The following STPG2 variants were observed in gnomAD, a reference collection of about 807,000 sequenced individuals.
The protein encoded by STPG2 is sperm tail PG-rich repeat containing 2, also known as sperm-tail PG-rich repeat-containing protein 2.
STPG2 carries 56 observed loss-of-function variants against 54.2 expected under a neutral mutation model. The ratio of observed to expected loss-of-function variants is 1.03; its 90% CI spans 0.83 to 1.29. The LOEUF is 1.29. Ranked by LOEUF, STPG2 falls within the 50% of genes most tolerant of loss-of-function variation. The pLI is 0.00. For missense variants in STPG2, 596 were observed against 544.9 expected (o/e 1.09, Z -0.93); for synonymous variants, 200 against 181.8 (o/e 1.10, Z -0.81).
At chr4:97,599,387 C>T (rs540826518) in intron 10 of STPG2, among the ~76,000 whole-genome samples, 1 of 152,310 alleles carries the variant, frequency 6.6e-6, no homozygotes, top group African/African-American at 2.4e-5. Context: ...TCAGCAATCC[C>T]ATTATTGGGT....
At chr4:97,924,337 T>C (rs763718964) in intron 8 of STPG2, among the ~76,000 whole-genome samples, 1 of 152,214 alleles carries the variant, frequency 6.6e-6, no homozygotes. Flanking sequence ...TTTAAACATA[T>C]GTGATGGAAA....
intron 4 of STPG2, among the ~76,000 whole-genome samples, chr4:97,540,688 T>C (rs1731675953): frequency 6.6e-6 from 1 of 152,094 alleles, no homozygotes; most frequent in Non-Finnish European, 1.5e-5. Flanking sequence ...TTTAGACCAA[T>C]ATCCTTGATG....
intron 5 of STPG2, among the ~76,000 whole-genome samples, chr4:98,005,578 C>A (rs1009517570): frequency 2.6e-5 from 4 of 152,142 alleles, no homozygotes; most frequent in Non-Finnish European, 5.9e-5. Context: ...ACTTAATTTG[C>A]TGAGACTTTT....
intron 5 of STPG2, among the ~76,000 whole-genome samples, chr4:98,093,675 C>T (rs1175994265): frequency 3.3e-5 from 5 of 152,180 alleles, no homozygotes; most frequent in South Asian, 2.1e-4. Flanking sequence ...CTTGAATCAT[C>T]GATGTCACTC....
chr4:97,622,055 A>G (rs1164790701), intron 10 of STPG2, among the ~76,000 whole-genome samples: 2 of 152,180 alleles, frequency 1.3e-5, no homozygotes, highest in African/African-American at 4.8e-5. Context: ...GAGGCAGAAA[A>G]CAGTTACAAT....
chr4:97,864,189 C>G (rs149660998), intron 8 of STPG2, among the ~76,000 whole-genome samples: 1 of 152,020 alleles, frequency 6.6e-6, no homozygotes, highest in Admixed American at 6.5e-5. Context: ...TATTGTATAT[C>G]TAGAAAACCC....
intron 4 of STPG2, among the ~76,000 whole-genome samples, chr4:97,506,535 T>C (rs1197744822): frequency 6.6e-6 from 1 of 151,856 alleles, no homozygotes; most frequent in Non-Finnish European, 1.5e-5. Flanking sequence ...ACTATCCAAG[T>C]TGAAAACACA....
At chr4:98,066,375 G>C (rs1737835696) in intron 5 of STPG2, among the ~76,000 whole-genome samples, 1 of 145,100 alleles carries the variant, frequency 6.9e-6, no homozygotes, top group Admixed American at 6.9e-5. Flanking sequence ...GATCACCCAA[G>C]GTCAGGAGTT....
chr4:97,852,232 C>T (rs1729183956), intron 8 of STPG2, among the ~76,000 whole-genome samples: 1 of 152,078 alleles, frequency 6.6e-6, no homozygotes, highest in African/African-American at 2.4e-5. Context: ...AGTAGGATTC[C>T]AATCAATTTA....
rs1469530268 is a variant in STPG2, at chr4:97,840,834, T to G, written c.1143A>C (p.Arg381Ser). The change falls in exon 9 of 11, where the codon AGA becomes AGC. Residue 381 changes from arginine (R) to serine (S), a missense_variant. Arg to Ser is a moderately radical substitution (Grantham distance 110). Coordinates refer to ENST00000295268, the MANE Select transcript of STPG2 (RefSeq NM_174952.3). ...YMPPRSLVAK[R>S]KHASFLSATP... The stretch of plus-strand genomic sequence containing the variant: ...TTGCACTAAGAAAAGAGGCATGTTT[T>G]CTTTTAGCCACTAAACTACGAGGTG... The G allele has an allele frequency of 6.2e-7, 1 of 1,612,304 alleles. No individual in the cohort carries two copies. The highest frequency in any genetic ancestry group is 8.5e-7 in the Non-Finnish European group (1 of 1,178,720).
chr4:97,486,396 T>C (rs889781782), intron 4 of STPG2, among the ~76,000 whole-genome samples: 8 of 151,514 alleles, frequency 5.3e-5, no homozygotes, highest in Non-Finnish European at 3.0e-5. Context: ...GATATACAAA[T>C]GACCAACAAA....
At chr4:98,127,520 T>A (rs1739864512) in intron 3 of STPG2, among the ~76,000 whole-genome samples, 1 of 152,222 alleles carries the variant, frequency 6.6e-6, no homozygotes, top group South Asian at 2.1e-4. Flanking sequence ...GCCTTTTCTT[T>A]GCCCAAGGTG....
At chr4:97,514,728 AT>A (rs985213004) in intron 4 of STPG2, among the ~76,000 whole-genome samples, 11 of 151,064 alleles carry the variant, frequency 7.3e-5, no homozygotes, top group African/African-American at 1.9e-4. Flanking sequence ...AGTTGGCTCA[AT>A]TTTTTTTTCA....
chr4:97,556,437 C>T (rs995070828), downstream of STPG2, among the ~76,000 whole-genome samples: 2 of 152,124 alleles, frequency 1.3e-5, no homozygotes, highest in South Asian at 4.1e-4. Context: ...AATATTAGTG[C>T]AATGTGCATC....
intron 10 of STPG2, among the ~76,000 whole-genome samples, chr4:97,573,340 T>C (rs1732645875): frequency 6.6e-6 from 1 of 152,060 alleles, no homozygotes; most frequent in African/African-American, 2.4e-5. Context: ...CTCAATAGCA[T>C]ATTTATTCAC....
intron 8 of STPG2, among the ~76,000 whole-genome samples, chr4:97,911,467 A>G (rs1172254875): frequency 6.6e-6 from 1 of 152,194 alleles, no homozygotes; most frequent in African/African-American, 2.4e-5. Context: ...GGCAGCTGCC[A>G]TCTCTGCAGC....
chr4:97,463,602 A>C (rs976425494), intron 4 of STPG2: 4 of 152,130 alleles, frequency 2.6e-5, no homozygotes, highest in African/African-American at 9.7e-5. Context: ...GGTATGTGCC[A>C]CCATGCCTGG....
At chr4:97,585,140 A>G (rs1171541629) in intron 10 of STPG2, among the ~76,000 whole-genome samples, 3 of 148,920 alleles carry the variant, frequency 2.0e-5, no homozygotes, top group African/African-American at 4.9e-5. Context: ...CTACAAGTTA[A>G]CATCCAACAG....
intron 5 of STPG2, among the ~76,000 whole-genome samples, chr4:98,029,397 C>T (rs976464246): frequency 6.6e-6 from 1 of 152,092 alleles, no homozygotes; most frequent in Admixed American, 6.6e-5. Flanking sequence ...CGTGTCTTCT[C>T]GATGATCTCT....
Sources: allele counts gnomAD v4.1 joint callset (sites outside exome capture counted in the v4.1 genomes callset), GRCh38; gene constraint gnomAD v4.1.1; transcripts MANE v1.5; gene names NCBI Gene and HGNC (gene_info 2026-07-23, HGNC 2026-07-21).